Variants in ITPR2 observed in about 807,000 individuals in gnomAD.
ITPR2 encodes inositol 1,4,5-trisphosphate receptor type 2.
Under a neutral mutation model 317.1 loss-of-function variants are expected in ITPR2, and 207 were observed. That is an observed-to-expected ratio of 0.65 (90% CI 0.58 to 0.73). The LOEUF (loss-of-function observed/expected upper bound fraction) is 0.73, where lower values mean the gene tolerates loss of function less well. ITPR2 is among the 30% of genes least tolerant of loss of function. ITPR2 has a pLI of 0.00. For synonymous variants in ITPR2, 1,156 were observed against 1,149.1 expected (o/e 1.01, Z -0.12); for missense variants, 2,613 against 3,284.0 (o/e 0.80, Z 4.99).
At chr12:26,465,022 C>T (rs1024542741) in intron 45 of ITPR2, among the ~76,000 whole-genome samples, 10 of 152,128 alleles carry the variant, frequency 6.6e-5, no homozygotes, top group East Asian at 1.9e-4. Context: ...GACAGGCCCA[C>T]GCTGAAGATG....
intron 55 of ITPR2, among the ~76,000 whole-genome samples, chr12:26,342,495 G>GGAGGC (rs1938155601): frequency 8.8e-4 from 8 of 9,060 alleles, no homozygotes; most frequent in African/African-American, 1.7e-3. Context: ...GGGTCACGGC[G>GGAGGC]GTGGGGGGGG....
chr12:26,617,578 T>G (rs1277521242), intron 26 of ITPR2, among the ~76,000 whole-genome samples: 2 of 142,296 alleles, frequency 1.4e-5, no homozygotes, highest in African/African-American at 2.6e-5. Context: ...TACTGCTTGA[T>G]AGGAACAGTG....
intron 32 of ITPR2, 93 bp from the exon 33 acceptor site, chr12:26,580,248 TGTCA>T: frequency 9.1e-7 from 1 of 1,095,004 alleles, no homozygotes; most frequent in Non-Finnish European, 1.3e-6. Flanking sequence ...CTGAAATAGT[TGTCA>T]GTAACATTTC....
At chr12:26,382,394 G>A (rs770930578) in intron 55 of ITPR2, among the ~76,000 whole-genome samples, 2 of 152,218 alleles carry the variant, frequency 1.3e-5, no homozygotes, top group Non-Finnish European at 2.9e-5. Flanking sequence ...GCTAGGTGCT[G>A]TGGCTCACAC....
At chr12:26,823,120 C>A (rs1950962603) in intron 1 of ITPR2, among the ~76,000 whole-genome samples, 1 of 152,146 alleles carries the variant, frequency 6.6e-6, no homozygotes, top group South Asian at 2.1e-4. Flanking sequence ...GAATCTGACT[C>A]TTCTGACTTT....
At chr12:26,589,867 C>T (rs12824128) in intron 32 of ITPR2, among the ~76,000 whole-genome samples, 6 of 82,866 alleles carry the variant, frequency 7.2e-5, no homozygotes, top group African/African-American at 1.8e-4. Flanking sequence ...CACACACACA[C>T]ACACACACAC....
intron 43 of ITPR2, among the ~76,000 whole-genome samples, chr12:26,478,499 C>A (rs1391156827): frequency 6.6e-6 from 1 of 152,020 alleles, no homozygotes; most frequent in Non-Finnish European, 1.5e-5. Flanking sequence ...ATCTAATGAA[C>A]CTACCCTCAG....
At chr12:26,784,623 C>G (rs11048682) in intron 2 of ITPR2, among the ~76,000 whole-genome samples, 4,242 of 151,606 alleles carry the variant, frequency 0.028, 163 homozygotes, top group African/African-American at 0.095. Context: ...GGATTGCAGA[C>G]GGAGTCTTGT....
chr12:26,550,718 A>G (rs1389290264), intron 36 of ITPR2, among the ~76,000 whole-genome samples: 2 of 151,890 alleles, frequency 1.3e-5, no homozygotes, highest in Non-Finnish European at 2.9e-5. Flanking sequence ...TTATTATGTT[A>G]TACTATATTA....
intron 21 of ITPR2, among the ~76,000 whole-genome samples, chr12:26,634,745 C>T (rs1418200929): frequency 1.3e-5 from 2 of 151,642 alleles, no homozygotes. Context: ...ACTAGCCGGG[C>T]GTGCTTGTGG....
At chr12:26,397,906 C>T (rs1431113721) in intron 54 of ITPR2, among the ~76,000 whole-genome samples, 2 of 151,730 alleles carry the variant, frequency 1.3e-5, no homozygotes, top group South Asian at 2.1e-4. Context: ...TCTAGGGTGC[C>T]GAGAGACCAG....
chr12:26,430,420 C>G (rs1017107449), intron 48 of ITPR2, among the ~76,000 whole-genome samples: 1 of 152,168 alleles, frequency 6.6e-6, no homozygotes, highest in African/African-American at 2.4e-5. Flanking sequence ...CCTGCCACCA[C>G]GTCTGGCTAA....
At chr12:26,443,885 C>A (rs1941547461) in intron 45 of ITPR2, among the ~76,000 whole-genome samples, 1 of 151,960 alleles carries the variant, frequency 6.6e-6, no homozygotes, top group Non-Finnish European at 1.5e-5. Flanking sequence ...TACGATTGTA[C>A]CAGGAAGAAG....
chr12:26,532,667 A>C (rs1943975499), intron 37 of ITPR2, among the ~76,000 whole-genome samples: 1 of 152,142 alleles, frequency 6.6e-6, no homozygotes, highest in African/African-American at 2.4e-5. Context: ...TGATGAATTG[A>C]TGAAATGATA....
chr12:26,828,157 T>C (rs1951036551), intron 1 of ITPR2, among the ~76,000 whole-genome samples: 1 of 152,200 alleles, frequency 6.6e-6, no homozygotes, highest in Non-Finnish European at 1.5e-5. Flanking sequence ...GCAGCAGACC[T>C]GGAGCAACAG....
At chr12:26,579,523 C>G (rs1397791008) in intron 33 of ITPR2, among the ~76,000 whole-genome samples, 1 of 152,026 alleles carries the variant, frequency 6.6e-6, no homozygotes, top group Non-Finnish European at 1.5e-5. Context: ...TTTTCTTGGT[C>G]ATCAATTTTC....
chr12:26,803,340 G>A (rs1950591526), intron 1 of ITPR2, among the ~76,000 whole-genome samples: 1 of 148,640 alleles, frequency 6.7e-6, no homozygotes, highest in Non-Finnish European at 1.5e-5. Flanking sequence ...CCAGCACAGT[G>A]ACTGGCATAT....
chr12:26,715,357 G>C lies in ITPR2; in HGVS notation c.797C>G (p.Thr266Arg), dbSNP rs779635335. 1 of 1,613,584 alleles carries C rather than the reference G, an allele frequency of 6.2e-7. No individual in the cohort carries two copies. Among genetic ancestry groups the C allele is most frequent in the East Asian group, 2.2e-5 (1 of 44,862 alleles). The change falls in exon 8 of 57, where the codon ACG becomes AGG. Residue 266 changes from threonine (T) to arginine (R), a missense_variant. Transcript: ENST00000381340. Reference protein sequence around the residue: ...YEKKQHIFLRTTLRQSATSAT... With the variant: ...YEKKQHIFLRRTLRQSATSAT... ...AGAAGTAGCTGATTGGCGCAAGGTC[G>C]TACGAAGGAAAATGTGCTGTTTTTT...
chr12:26,828,846 A>G (rs1951050536), intron 1 of ITPR2, among the ~76,000 whole-genome samples: 1 of 152,196 alleles, frequency 6.6e-6, no homozygotes, highest in Admixed American at 6.5e-5. Context: ...ACAGAAATAC[A>G]TACTCTGATG....
Sources: allele counts gnomAD v4.1 joint callset (sites outside exome capture counted in the v4.1 genomes callset), GRCh38; gene constraint gnomAD v4.1.1; transcripts MANE v1.5; gene names NCBI Gene and HGNC (gene_info 2026-07-23, HGNC 2026-07-21).